The following CEP152 variants were observed in gnomAD, a reference collection of about 807,000 sequenced individuals.
CEP152 encodes the protein centrosomal protein of 152 kDa.
A neutral mutation model predicts 188.9 loss-of-function variants in CEP152; 132 were observed. The ratio of observed to expected loss-of-function variants is 0.70; its 90% CI spans 0.61 to 0.81. The LOEUF is 0.81. Ranked by LOEUF, CEP152 falls within the 30% of genes least tolerant of loss-of-function variation. CEP152 has a pLI of 0.00. For synonymous variants in CEP152, 649 were observed against 666.6 expected (o/e 0.97, Z 0.41); for missense variants, 1,914 against 1,969.8 (o/e 0.97, Z 0.54).
Position 48,768,460 on chromosome 15 carries a change from C to T in CEP152, c.1909-132G>A, listed in dbSNP as rs961742771. 5 of 611,912 alleles carry T rather than the reference C, an allele frequency of 8.2e-6. No individual in the cohort carries two copies. In the Admixed American group the frequency reaches 1.5e-4, roughly 18 times the overall value. The allele number at this position is 611,912 out of a possible 1,614,324, so 37.9% of individuals were successfully genotyped here. A position where few individuals can be genotyped will look rare whatever the true frequency, so the allele number is the denominator to read the frequency against. On this transcript the variant is annotated intron_variant, in intron 14 of 26. Coordinates refer to ENST00000380950, the MANE Select transcript of CEP152 (RefSeq NM_001194998.2). ...AACAATATTTGACATATTATTTTTA[C>T]AATTCTGCAAAAGAAAAAGTCTCTT... is the stretch of plus-strand genomic sequence containing the variant.
intron 2 of CEP152, among the ~76,000 whole-genome samples, chr15:48,730,913 T>C (rs770864211): frequency 2.0e-5 from 3 of 152,212 alleles, no homozygotes; most frequent in Non-Finnish European, 4.4e-5. Context: ...CACAATATGT[T>C]ACGTAAAATT....
At position 48,767,552 on chromosome 15, in the gene CEP152, C is replaced by T. The variant is rs1289550397; in HGVS notation, c.2019-89G>A. 3 of 1,554,042 alleles carry T rather than the reference C, an allele frequency of 1.9e-6. No individual in the cohort carries two copies. In the African/African-American group the frequency reaches 4.1e-5, roughly 21 times the overall value. On this transcript the variant is annotated intron_variant, in intron 15 of 26. Transcript: ENST00000380950. The stretch of plus-strand genomic sequence containing the variant: ...TTCCTTCCTTCCTCCTCACCTCTTC[C>T]CTCTAATGCAAATTATAATTGAGGT...
At chr15:48,787,162 C>CTTTTTTTTTTTTTTTTT (rs1567018509) in intron 9 of CEP152, among the ~76,000 whole-genome samples, 1 of 37,158 alleles carries the variant, frequency 2.7e-5, no homozygotes, top group Non-Finnish European at 6.8e-5. Flanking sequence ...GTATAGCCTT[C>CTTTTTTTTTTTTTTTTT]GTTTTTTTTT....
chr15:48,791,960 GTTATCTGAGGACTAA>G (rs1270789287), intron 7 of CEP152, among the ~76,000 whole-genome samples: 1 of 152,016 alleles, frequency 6.6e-6, no homozygotes, highest in Non-Finnish European at 1.5e-5. Flanking sequence ...AATCAAAGAA[GTTATCTGAGGACTAA>G]TTATCCTACA....
At chr15:48,749,003 A>G (rs890920052) in intron 21 of CEP152, among the ~76,000 whole-genome samples, 4 of 152,148 alleles carry the variant, frequency 2.6e-5, no homozygotes, top group Non-Finnish European at 5.9e-5. Flanking sequence ...TTCCTATGCC[A>G]GAAAGTAAGA....
At chr15:48,748,176 G>A (rs1893595519) in intron 22 of CEP152, among the ~76,000 whole-genome samples, 1 of 152,110 alleles carries the variant, frequency 6.6e-6, no homozygotes, top group Non-Finnish European at 1.5e-5. Context: ...CATCCCCAGT[G>A]CTTAGAAGCC....
intron 19 of CEP152, among the ~76,000 whole-genome samples, chr15:48,759,125 T>C (rs1003508543): frequency 6.6e-6 from 1 of 152,168 alleles, no homozygotes; most frequent in African/African-American, 2.4e-5. Context: ...TTTTCTTATT[T>C]TTATTATTCC....
Position 48,738,451 on chromosome 15 carries a change from G to A in CEP152, c.4931C>T (p.Thr1644Ile). 6.2e-7 allele frequency: 1 copy of A among 1,614,160 alleles called. No homozygotes were observed. Among genetic ancestry groups the A allele is most frequent in the East Asian group, 2.2e-5 (1 of 44,890 alleles). Residue 1644 changes from threonine to isoleucine, a missense_variant, in exon 27 of 27, where the codon ACC (threonine) becomes ATC (isoleucine). Thr to Ile is a moderately conservative substitution (Grantham distance 89). Coordinates refer to ENST00000380950, the MANE Select transcript of CEP152 (RefSeq NM_001194998.2). ...RYQTPYLSEE[T>I]TYLEPGKISV... ...GATCTTTCCTGGCTCCAAATACGTG[G>A]TTTCTTCTGACAGGTATGGAGTTTG... is the stretch of plus-strand genomic sequence containing the variant.
Position 48,738,628 on chromosome 15 carries a change from C to T in CEP152, c.4754G>A (p.Ser1585Asn). 1 of 1,614,202 alleles carries T rather than the reference C, an allele frequency of 6.2e-7. No homozygotes were observed. The highest frequency in any genetic ancestry group is 8.5e-7 in the Non-Finnish European group (1 of 1,180,028). The change falls in exon 27 of 27, where the codon AGT becomes AAT. Residue 1585 changes from serine (S) to asparagine (N), a missense_variant. Transcript: ENST00000380950. ...ACCATGTACAAATGATGCTTCACGA[C>T]TGTCAAAGGATAAGGTTGCACTGCT... ...PSSSATLSFD[S>N]REASFVHGRP...
At position 48,756,075 on chromosome 15, in the gene CEP152, TG is replaced by T; in HGVS notation, c.3172del (p.Gln1058LysfsTer33). ...TVLGVLLSDT[Q>X]KEHISDSEDK... is the part of the protein sequence containing the mutation. ...CTCAGAATCACTGATGTGCTCCTTT[TG>T]GGTATCACTTAAAAGAACCCCAAGT... On this transcript the variant is annotated frameshift_variant, in exon 20 of 27. Coordinates refer to ENST00000380950, the MANE Select transcript of CEP152 (RefSeq NM_001194998.2). LOFTEE classifies it high-confidence loss of function. 1.2e-6 allele frequency: 2 copies of T among 1,614,152 alleles called. No individual in the cohort carries two copies. Among genetic ancestry groups the T allele is most frequent in the Middle Eastern group, 1.6e-4 (1 of 6,062 alleles).
At chr15:48,747,304 G>C (rs1011566697) in intron 22 of CEP152, among the ~76,000 whole-genome samples, 2 of 152,064 alleles carry the variant, frequency 1.3e-5, no homozygotes, top group Admixed American at 6.5e-5. Context: ...CATTATTTAG[G>C]ACCCTGGCAT....
intron 12 of CEP152, among the ~76,000 whole-genome samples, chr15:48,777,639 A>G (rs1249527672): frequency 1.3e-5 from 2 of 152,180 alleles, no homozygotes; most frequent in South Asian, 2.1e-4. Flanking sequence ...GTCTGTCTAT[A>G]TACATAGATC....
intron 19 of CEP152, among the ~76,000 whole-genome samples, chr15:48,759,642 A>C (rs1018191966): frequency 6.6e-6 from 1 of 152,188 alleles, no homozygotes; most frequent in Admixed American, 6.5e-5. Flanking sequence ...AAATACATTC[A>C]GTTTGTTGGC....
At chr15:48,730,877 G>A (rs975742628) in intron 2 of CEP152, among the ~76,000 whole-genome samples, 1 of 151,996 alleles carries the variant, frequency 6.6e-6, no homozygotes, top group Non-Finnish European at 1.5e-5. Flanking sequence ...AACCCCCAGG[G>A]GAACAAATAC....
intron 20 of CEP152, among the ~76,000 whole-genome samples, chr15:48,753,197 GGC>G (rs1176086329): frequency 6.6e-6 from 1 of 152,154 alleles, no homozygotes; most frequent in African/African-American, 2.4e-5. Context: ...GAAGGGCATT[GGC>G]GCGATCTCAG....
chr15:48,789,077 T>A, intron 8 of CEP152, 76 bp from the exon 9 acceptor site: 1 of 1,275,494 alleles, frequency 7.8e-7, no homozygotes, highest in Non-Finnish European at 1.1e-6. Flanking sequence ...TATAAACTTT[T>A]ACTTTTACTA....
chr15:48,753,337 T>G (rs1345886899), intron 20 of CEP152, among the ~76,000 whole-genome samples: 3 of 152,182 alleles, frequency 2.0e-5, no homozygotes, highest in Non-Finnish European at 4.4e-5. Flanking sequence ...AATCAATGGA[T>G]TTTTATGGTA....
chr15:48,741,420 C>T (rs1290178547), intron 26 of CEP152, 181 bp downstream of exon 26: 1 of 1,451,078 alleles, frequency 6.9e-7, no homozygotes, highest in Non-Finnish European at 9.0e-7. Flanking sequence ...CATGCTCAGT[C>T]TGCCTACTTA....
At chr15:48,804,787 C>T (rs1417764995) in intron 2 of CEP152, among the ~76,000 whole-genome samples, 4 of 152,222 alleles carry the variant, frequency 2.6e-5, no homozygotes, top group Non-Finnish European at 4.4e-5. Flanking sequence ...ACTGGCTTCC[C>T]ATTGTTCTTA....
Sources: gnomAD v4.1 joint callset for allele counts (sites outside exome capture counted in the v4.1 genomes callset) on GRCh38, gnomAD v4.1.1 for gene constraint, MANE v1.5 for transcripts, NCBI Gene and HGNC (gene_info 2026-07-23, HGNC 2026-07-21) for gene names.